PIP4P2: variants seen among roughly 807,000 people sequenced by gnomAD.
PIP4P2 encodes type 2 phosphatidylinositol 4,5-bisphosphate 4-phosphatase.
In PIP4P2, 19 loss-of-function variants were observed where a neutral mutation model predicts 33.3. The ratio of observed to expected loss-of-function variants is 0.57; its 90% CI spans 0.40 to 0.84. The LOEUF is 0.84. Among genes scored for constraint, PIP4P2 ranks in the 40% least tolerant of loss-of-function variants. PIP4P2 has a pLI of 0.00. For missense variants in PIP4P2, 270 were observed against 324.7 expected, an observed-to-expected ratio of 0.83 and a Z score of 1.29; for synonymous variants, 110 against 111.9, an observed-to-expected ratio of 0.98 and a Z score of 0.11.
chr8:91,034,699 G>C (rs986971561), intron 1 of PIP4P2, among the ~76,000 whole-genome samples: 1 of 152,104 alleles, frequency 6.6e-6, no homozygotes, highest in African/African-American at 2.4e-5. Context: ...CTTCCAGTGG[G>C]TTTCCGAATC....
chr8:91,021,499 G>T, intron 1 of PIP4P2, 95 bp from the exon 2 acceptor site: 1 of 1,389,220 alleles, frequency 7.2e-7, no homozygotes, highest in Non-Finnish European at 9.7e-7. Flanking sequence ...AAACAATCAA[G>T]ATTTTCCCAC....
intron 5 of PIP4P2, among the ~76,000 whole-genome samples, chr8:91,006,975 A>G (rs967297691): frequency 1.3e-5 from 2 of 152,212 alleles, no homozygotes; most frequent in African/African-American, 4.8e-5. Flanking sequence ...TCTCAAAAAA[A>G]AAGAAGTCTC....
chr8:91,021,104 TGAAA>T (rs1812002983), intron 2 of PIP4P2, 148 bp downstream of exon 2: 3 of 897,440 alleles, frequency 3.3e-6, no homozygotes, highest in South Asian at 1.8e-5. Context: ...TATCCTATGA[TGAAA>T]GAGAGACAGA....
At chr8:91,006,882 T>C (rs889006790) in intron 5 of PIP4P2, among the ~76,000 whole-genome samples, 8 of 152,172 alleles carry the variant, frequency 5.3e-5, no homozygotes, top group Admixed American at 2.0e-4. Flanking sequence ...GGCAGGAGAA[T>C]TGCTTGAACC....
chr8:91,040,046 T>G (rs1812282887), intron 1 of PIP4P2, among the ~76,000 whole-genome samples: 1 of 152,146 alleles, frequency 6.6e-6, no homozygotes, highest in Non-Finnish European at 1.5e-5. Flanking sequence ...ACATACTCCT[T>G]GAAAGTAGGA....
rs138325925 is a variant in PIP4P2, at chr8:91,028,233, G to C, written c.107-6829C>G. Reference sequence around the variant, plus strand: ...TTGTATATCTTAGAAAAAACTCTAAGTATTTTAACCAGCAACCCAACTTTG... The same window carrying C: ...TTGTATATCTTAGAAAAAACTCTAACTATTTTAACCAGCAACCCAACTTTG... On this transcript the variant is annotated intron_variant, in intron 1 of 6. Transcript: ENST00000285419. 1.1e-4 allele frequency among the ~76,000 whole-genome samples: 17 copies of C among 152,286 alleles called. No homozygotes were observed. The East Asian group carries it at 3.3e-3, about 29-fold the overall frequency.
At chr8:90,996,833 G>C (rs1047512350) in intron 5 of PIP4P2, 89 bp from the exon 6 acceptor site, 25 of 1,017,996 alleles carry the variant, frequency 2.5e-5, no homozygotes, top group Non-Finnish European at 3.6e-5. Flanking sequence ...TATGGCTTTA[G>C]TAATATTATA....
intron 1 of PIP4P2, among the ~76,000 whole-genome samples, chr8:91,035,703 A>AAAATGAC (rs946480064): frequency 6.6e-6 from 1 of 152,132 alleles, no homozygotes; most frequent in African/African-American, 2.4e-5. Flanking sequence ...GTACACAGAG[A>AAAATGAC]AAATGACAAT....
intron 5 of PIP4P2, among the ~76,000 whole-genome samples, chr8:91,006,143 C>G (rs1475100356): frequency 1.3e-5 from 2 of 152,186 alleles, no homozygotes; most frequent in African/African-American, 4.8e-5. Flanking sequence ...GTCTCAGAAT[C>G]TTACTCCAAC....
intron 5 of PIP4P2, among the ~76,000 whole-genome samples, chr8:91,002,681 G>A (rs919692187): frequency 1.3e-5 from 2 of 152,170 alleles, no homozygotes; most frequent in Admixed American, 6.6e-5. Context: ...GGAATAAGCA[G>A]CAGAATAACC....
At chr8:91,025,949 AGACTCAAGTTCTCCCAGAACAAT>A (rs1447702436) in intron 1 of PIP4P2, among the ~76,000 whole-genome samples, 1 of 152,202 alleles carries the variant, frequency 6.6e-6, no homozygotes, top group East Asian at 1.9e-4. Context: ...CTATTTTAGG[AGACTCAAGTTCTCCCAGAACAAT>A]GACATTCTTG....
chr8:90,996,055 T>C (rs1359951551), intron 6 of PIP4P2, among the ~76,000 whole-genome samples: 1 of 152,176 alleles, frequency 6.6e-6, no homozygotes, highest in Non-Finnish European at 1.5e-5. Context: ...ATATTATCTC[T>C]ACAAGGAATT....
At chr8:91,020,080 T>A (rs1398167895) in intron 3 of PIP4P2, 77 bp downstream of exon 3, 1 of 1,399,906 alleles carries the variant, frequency 7.1e-7, no homozygotes, top group African/African-American at 1.4e-5. Context: ...GAACAAAGCC[T>A]GGCACTGAAG....
intron 1 of PIP4P2, among the ~76,000 whole-genome samples, chr8:91,031,116 T>C (rs1180651764): frequency 2.0e-5 from 3 of 152,250 alleles, no homozygotes; most frequent in Non-Finnish European, 1.5e-5. Context: ...TAATGACCTA[T>C]GTCCTCATTA....
At chr8:91,000,400 T>C (rs1464335137) in intron 5 of PIP4P2, among the ~76,000 whole-genome samples, 1 of 28,170 alleles carries the variant, frequency 3.5e-5, no homozygotes, top group Non-Finnish European at 2.0e-4. Context: ...CATTTAGCAG[T>C]TTTTTTTTTT....
At chr8:91,039,708 G>T (rs1442252035) in intron 1 of PIP4P2, among the ~76,000 whole-genome samples, 1 of 151,950 alleles carries the variant, frequency 6.6e-6, no homozygotes, top group Admixed American at 6.6e-5. Context: ...AACCTAAGTG[G>T]GTTTTTTTAA....
In PIP4P2 at chr8:90,994,259, A is replaced by G. The variant is rs889696301; in HGVS notation, c.*1418T>C. 2.0e-5 allele frequency: 3 copies of G among 152,150 alleles called. No homozygotes were observed. The highest frequency in any genetic ancestry group is 4.4e-5 in the Non-Finnish European group (3 of 67,968). The allele number at this position is 152,150 out of a possible 1,614,324, so 9.4% of individuals were successfully genotyped here. On this transcript the variant is annotated 3_prime_UTR_variant, in exon 7 of 7. Coordinates refer to ENST00000285419, the MANE Select transcript of PIP4P2 (RefSeq NM_018710.3). ...GAAGTGACATTATTTTTAATGGAATAAAACAAGGTAATTTTTGAACAATAA... is the reference window on the plus strand; with the variant it reads ...GAAGTGACATTATTTTTAATGGAATGAAACAAGGTAATTTTTGAACAATAA...
At chr8:91,024,073 A>C (rs1812048792) in intron 1 of PIP4P2, among the ~76,000 whole-genome samples, 1 of 152,060 alleles carries the variant, frequency 6.6e-6, no homozygotes, top group African/African-American at 2.4e-5. Flanking sequence ...ATGCACTGAG[A>C]GAGGTGAAGT....
At chr8:91,032,870 T>C (rs1348054881) in intron 1 of PIP4P2, among the ~76,000 whole-genome samples, 20 of 152,072 alleles carry the variant, frequency 1.3e-4, no homozygotes, top group Admixed American at 1.3e-3. Context: ...ATGGAAGTAT[T>C]ACAGTTTCCA....
Sources: gnomAD v4.1 joint callset for allele counts (sites outside exome capture counted in the v4.1 genomes callset) on GRCh38, gnomAD v4.1.1 for gene constraint, MANE v1.5 for transcripts, NCBI Gene and HGNC (gene_info 2026-07-23, HGNC 2026-07-21) for gene names.